Variants in PPM1E observed in about 807,000 individuals in gnomAD.
The protein encoded by PPM1E is protein phosphatase 1E.
In PPM1E, 20 loss-of-function variants were observed where a neutral mutation model predicts 65.9. The ratio of observed to expected loss-of-function variants is 0.30; its 90% CI spans 0.21 to 0.44. The LOEUF is 0.44. PPM1E is among the 20% of genes least tolerant of loss of function. The pLI is 1.00. For missense variants in PPM1E, 713 were observed against 953.1 expected (o/e 0.75, Z 3.32); for synonymous variants, 352 against 374.9 (o/e 0.94, Z 0.70).
intron 1 of PPM1E, among the ~76,000 whole-genome samples, chr17:58,792,902 C>T (rs1297351073): frequency 1.9e-4 from 28 of 151,246 alleles, no homozygotes; most frequent in South Asian, 8.4e-4. Flanking sequence ...TATAGGCACC[C>T]GCCACCACAC....
At chr17:58,825,560 T>TTTG (rs529746618) in intron 1 of PPM1E, among the ~76,000 whole-genome samples, 79 of 152,112 alleles carry the variant, frequency 5.2e-4, no homozygotes, top group Middle Eastern at 3.4e-3. Flanking sequence ...TCTGTTGTTT[T>TTTG]TTGTTGTTGT....
chr17:58,970,718 G>A (rs550316580), intron 4 of PPM1E, among the ~76,000 whole-genome samples: 1 of 152,004 alleles, frequency 6.6e-6, no homozygotes, highest in African/African-American at 2.4e-5. Flanking sequence ...GTAACCAGTA[G>A]AGTCCACACA....
chr17:58,847,977 G>C (rs2050788623), intron 1 of PPM1E, among the ~76,000 whole-genome samples: 1 of 152,132 alleles, frequency 6.6e-6, no homozygotes, highest in Non-Finnish European at 1.5e-5. Flanking sequence ...TCCTTGAAGA[G>C]GTCCTTCACA....
chr17:58,823,641 A>G (rs1302288756), intron 1 of PPM1E, among the ~76,000 whole-genome samples: 1 of 152,180 alleles, frequency 6.6e-6, no homozygotes, highest in East Asian at 1.9e-4. Flanking sequence ...ATTAATCTGC[A>G]CCACAGGAAA....
At chr17:58,949,771 T>G (rs767133646) in intron 1 of PPM1E, among the ~76,000 whole-genome samples, 3 of 152,200 alleles carry the variant, frequency 2.0e-5, no homozygotes, top group Admixed American at 2.0e-4. Flanking sequence ...AAGACGCCCT[T>G]GAACATTTCT....
intron 1 of PPM1E, among the ~76,000 whole-genome samples, chr17:58,830,963 G>T (rs555463457): frequency 8.0e-4 from 121 of 150,430 alleles, no homozygotes; most frequent in African/African-American, 2.8e-3. Context: ...TCTATTACAG[G>T]CGTGAGCCAC....
chr17:58,886,563 C>G (rs550376446), intron 1 of PPM1E, among the ~76,000 whole-genome samples: 1 of 152,174 alleles, frequency 6.6e-6, no homozygotes, highest in Non-Finnish European at 1.5e-5. Flanking sequence ...CTTTACTCAG[C>G]CACAATTCCA....
chr17:58,821,400 G>T (rs1382015895), intron 1 of PPM1E, among the ~76,000 whole-genome samples: 2 of 152,170 alleles, frequency 1.3e-5, no homozygotes, highest in African/African-American at 4.8e-5. Flanking sequence ...GTGAGCCACC[G>T]CGCCCGGCCA....
At chr17:58,816,776 ATATATATATATATATATATTTTTTT>A (rs1404100095) in intron 1 of PPM1E, among the ~76,000 whole-genome samples, 3 of 11,334 alleles carry the variant, frequency 2.6e-4, no homozygotes, top group Non-Finnish European at 3.8e-4. Context: ...ATATATATAT[ATATATATATATATATATATTTTTTT>A]TTTTTTTTTT....
chr17:58,961,678 C>G (rs865965603), intron 2 of PPM1E, among the ~76,000 whole-genome samples: 1 of 152,142 alleles, frequency 6.6e-6, no homozygotes, highest in South Asian at 2.1e-4. Flanking sequence ...GTCCAATAGA[C>G]AGTGCAATGA....
rs147889285 is a variant in PPM1E, at chr17:58,882,362, G to A, written c.465-73287G>A. ...AGGGAATTTTCCTCCTTTTATATAAGTAGGGTCATACTGTCTATATTTTTA... is the reference window on the plus strand; with the variant it reads ...AGGGAATTTTCCTCCTTTTATATAAATAGGGTCATACTGTCTATATTTTTA... On this transcript the variant is annotated intron_variant, in intron 1 of 6. Coordinates refer to ENST00000308249, the MANE Select transcript of PPM1E (RefSeq NM_014906.5). 2.8e-3 allele frequency among the ~76,000 whole-genome samples: 423 copies of A among 151,932 alleles called. 1 individual carries two copies. The highest frequency in any genetic ancestry group is 5.3e-3 in the Non-Finnish European group (357 of 67,978).
At chr17:58,928,129 G>T (rs1201329952) in intron 1 of PPM1E, among the ~76,000 whole-genome samples, 1 of 151,874 alleles carries the variant, frequency 6.6e-6, no homozygotes, top group African/African-American at 2.4e-5. Context: ...CTACACGAGA[G>T]GCTGAGGCAG....
At chr17:58,835,068 C>T (rs893325383) in intron 1 of PPM1E, among the ~76,000 whole-genome samples, 2 of 152,162 alleles carry the variant, frequency 1.3e-5, no homozygotes, top group Non-Finnish European at 2.9e-5. Flanking sequence ...TGGCCTGGTG[C>T]AGTGACTCAT....
chr17:58,968,957 T>C (rs983554048), intron 3 of PPM1E, among the ~76,000 whole-genome samples: 3 of 152,250 alleles, frequency 2.0e-5, no homozygotes, highest in African/African-American at 7.2e-5. Context: ...GATGCTGTGC[T>C]ATTTGTGGTG....
chr17:58,909,314 A>G lies in PPM1E; in HGVS notation c.465-46335A>G, dbSNP rs546421094. Among the ~76,000 whole-genome samples, 8 of 152,182 alleles carry G rather than the reference A, an allele frequency of 5.3e-5. No individual in the cohort carries two copies. The South Asian group carries it at 6.2e-4, about 12-fold the overall frequency. On this transcript the variant is annotated intron_variant, in intron 1 of 6. Transcript: ENST00000308249. Reference sequence around the variant, plus strand: ...ACTCCATCACTCAGGCTGGAATGCAATGGCATGATCATAGTTCACCATAAC... The same window carrying G: ...ACTCCATCACTCAGGCTGGAATGCAGTGGCATGATCATAGTTCACCATAAC...
chr17:58,871,620 G>A (rs982928007), intron 1 of PPM1E, among the ~76,000 whole-genome samples: 6 of 151,966 alleles, frequency 3.9e-5, no homozygotes, highest in Non-Finnish European at 5.9e-5. Flanking sequence ...TTTGAGATCA[G>A]ACTGGACAAT....
At chr17:58,781,661 G>A (rs538179798) in intron 1 of PPM1E, among the ~76,000 whole-genome samples, 2 of 151,932 alleles carry the variant, frequency 1.3e-5, no homozygotes, top group African/African-American at 4.8e-5. Flanking sequence ...CAGCACTTTC[G>A]GAGGCTGAGG....
chr17:58,768,043 T>C (rs1215344646), intron 1 of PPM1E, among the ~76,000 whole-genome samples: 2 of 151,990 alleles, frequency 1.3e-5, no homozygotes, highest in Non-Finnish European at 2.9e-5. Context: ...CTCCACCTCC[T>C]AGGTTCAAAG....
At chr17:58,844,854 C>A (rs1309703434) in intron 1 of PPM1E, among the ~76,000 whole-genome samples, 1 of 152,184 alleles carries the variant, frequency 6.6e-6, no homozygotes. Flanking sequence ...AAGAACATCA[C>A]AACATCTTAC....
Sources: gnomAD v4.1 joint callset for allele counts (sites outside exome capture counted in the v4.1 genomes callset) on GRCh38, gnomAD v4.1.1 for gene constraint, MANE v1.5 for transcripts, NCBI Gene and HGNC (gene_info 2026-07-23, HGNC 2026-07-21) for gene names.